DGKA: variants seen among roughly 807,000 people sequenced by gnomAD.
DGKA encodes the protein 80 kDa diacylglycerol kinase.
A neutral mutation model predicts 105.0 loss-of-function variants in DGKA; 35 were observed. The observed-to-expected ratio is 0.33, with a 90% confidence interval of 0.25 to 0.44. DGKA has a LOEUF of 0.44. DGKA is among the 20% of genes least tolerant of loss of function. DGKA has a pLI of 1.00. For synonymous variants in DGKA, 296 were observed against 332.0 expected (o/e 0.89, Z 1.18); for missense variants, 665 against 915.0 (o/e 0.73, Z 3.53).
upstream of DGKA, chr12:55,927,707 G>A: frequency 1.3e-6 from 2 of 1,539,430 alleles, no homozygotes; most frequent in Non-Finnish European, 1.7e-6. Flanking sequence ...AAGGCGGAGG[G>A]CGCCGCGGGT....
chr12:55,928,002 G>A, upstream of DGKA: 1 of 546,510 alleles, frequency 1.8e-6, no homozygotes, highest in South Asian at 2.5e-5. Context: ...CTAAAGCGGG[G>A]CAACTCGCCA....
At chr12:55,936,255 A>G in intron 1 of DGKA, 168 bp from the exon 2 acceptor site, 1 of 717,436 alleles carries the variant, frequency 1.4e-6, no homozygotes, top group South Asian at 2.5e-5. Context: ...GGGAAGGTAG[A>G]GGCATAGGGA....
intron 7 of DGKA, 80 bp from the exon 8 acceptor site, chr12:55,939,106 G>A: frequency 6.2e-7 from 1 of 1,604,432 alleles, no homozygotes; most frequent in Non-Finnish European, 8.5e-7. Flanking sequence ...TGGCTGGGCT[G>A]GATATCCTAA....
upstream of DGKA, chr12:55,928,105 C>T: frequency 3.3e-6 from 1 of 298,862 alleles, no homozygotes; most frequent in South Asian, 9.1e-5. Flanking sequence ...CTCCCTCCGC[C>T]GCCCATTTCA....
chr12:55,952,205 C>T lies in DGKA; in HGVS notation c.1652+106C>T. 4 of 1,515,672 alleles carry T rather than the reference C, an allele frequency of 2.6e-6. No individual in the cohort carries two copies. The highest frequency in any genetic ancestry group is 1.4e-5 in the African/African-American group (1 of 72,970). 93.9% of individuals were successfully genotyped at this position (1,515,672 alleles called of 1,614,324 possible). A position where few individuals can be genotyped will look rare whatever the true frequency, so the allele number is the denominator to read the frequency against. The stretch of plus-strand genomic sequence containing the variant: ...AAGAACAGTGGCACCTCTAGGAGGT[C>T]CCCCCAACCAAAGCCACCCTTGTTC... On this transcript the variant is annotated intron_variant, in intron 19 of 23. Coordinates refer to ENST00000331886, the MANE Select transcript of DGKA (RefSeq NM_001345.5). The surrounding 1 kb of genome is among the most constrained non-coding windows in gnomAD (Gnocchi z 5.1).
At chr12:55,933,346 G>C (rs1460041357) in intron 1 of DGKA, among the ~76,000 whole-genome samples, 2 of 152,178 alleles carry the variant, frequency 1.3e-5, no homozygotes, top group Non-Finnish European at 2.9e-5. Flanking sequence ...GTAGGGGCGG[G>C]CAGGGAAACC....
At position 55,940,457 on chromosome 12, in the gene DGKA, T is replaced by C. The variant is rs952102456; in HGVS notation, c.918+24T>C. On this transcript the variant is annotated intron_variant, in intron 11 of 23. Transcript: ENST00000331886. This position sits in a 1 kb window ranked among gnomAD's most constrained non-coding sequence, Gnocchi z 4.3. ...AGGTCAGTTTGGGAGCCATCCCTTC[T>C]GGGTGCGTCTTACCCCGCAGAGCTG... 1 of 1,612,828 alleles carries C rather than the reference T, an allele frequency of 6.2e-7. No homozygotes were observed. The highest frequency in any genetic ancestry group is 8.5e-7 in the Non-Finnish European group (1 of 1,179,410).
upstream of DGKA, chr12:55,927,669 C>T: frequency 1.3e-6 from 2 of 1,533,970 alleles, no homozygotes; most frequent in Non-Finnish European, 1.8e-6. Context: ...ACCCACTCAA[C>T]CACCAGAGAC....
At position 55,942,087 on chromosome 12, in the gene DGKA, A is replaced by G; in HGVS notation, c.1336+4A>G. Reference sequence around the variant, plus strand: ...GGCTGGATTCTAGAGACCATTGGTCAGTGCAGGGAGGGGCGTGGGGAAGGT... The same window carrying G: ...GGCTGGATTCTAGAGACCATTGGTCGGTGCAGGGAGGGGCGTGGGGAAGGT... On this transcript the variant is annotated splice_donor_region_variant and intron_variant, in intron 16 of 23. Coordinates refer to ENST00000331886, the MANE Select transcript of DGKA (RefSeq NM_001345.5). The G allele has an allele frequency of 6.2e-7, 1 of 1,614,174 alleles. No individual in the cohort carries two copies.
rs1886106144 is a variant in DGKA, at chr12:55,941,982, C to G, written c.1251-16C>G. Reference sequence around the variant, plus strand: ...CCTGTTATCCTTCTTCATATTCTCTCTCCCCTTTGTCTCAGGCTCCGATTA... The same window carrying G: ...CCTGTTATCCTTCTTCATATTCTCTGTCCCCTTTGTCTCAGGCTCCGATTA... On this transcript the variant is annotated splice_polypyrimidine_tract_variant and intron_variant, in intron 15 of 23. Transcript: ENST00000331886. 6.2e-7 allele frequency: 1 copy of G among 1,613,704 alleles called. No homozygotes were observed.
chr12:55,936,563 G>A lies in DGKA; in HGVS notation c.60G>A (p.Met20Ile), dbSNP rs761981841. The A allele has an allele frequency of 2.4e-5, 38 of 1,614,020 alleles. No individual in the cohort carries two copies. In the East Asian group the frequency reaches 8.0e-4, roughly 34 times the overall value. The change falls in exon 2 of 24, where the codon ATG (methionine) becomes ATA (isoleucine). Residue 20 changes from methionine (M) to isoleucine (I), a missense_variant. Coordinates refer to ENST00000331886, the MANE Select transcript of DGKA (RefSeq NM_001345.5). ...PSDFAQLQKY[M>I]EYSTKKVSDV... Reference sequence around the variant, plus strand: ...ATTTTGCCCAGCTGCAAAAATACATGGAATGTGAGTCTTCCTGTCAGGCCT... The same window carrying A: ...ATTTTGCCCAGCTGCAAAAATACATAGAATGTGAGTCTTCCTGTCAGGCCT...
At chr12:55,950,084 C>T (rs1436191547) in intron 17 of DGKA, among the ~76,000 whole-genome samples, 1 of 151,710 alleles carries the variant, frequency 6.6e-6, no homozygotes, top group East Asian at 1.9e-4. Flanking sequence ...AAGCGATTCT[C>T]CTGCCTCAGC....
At chr12:55,936,697 G>T in intron 2 of DGKA, 130 bp downstream of exon 2, 1 of 1,296,764 alleles carries the variant, frequency 7.7e-7, no homozygotes, top group South Asian at 1.2e-5. Flanking sequence ...ATGTGCCCAT[G>T]ACTGGAAATG....
At chr12:55,931,909 T>C (rs924749973) in intron 1 of DGKA, 1 of 149,894 alleles carries the variant, frequency 6.7e-6, no homozygotes, top group Non-Finnish European at 1.5e-5. Context: ...ACTGGAAACC[T>C]AGAAACGGGC....
upstream of DGKA, chr12:55,927,696 C>T: frequency 6.5e-7 from 1 of 1,539,148 alleles, no homozygotes; most frequent in Non-Finnish European, 8.7e-7. Context: ...GAGGGGCGTG[C>T]AAGGCGGAGG....
rs757383073 is a variant in DGKA, at chr12:55,939,544, C to G, written c.709+15C>G. 1.4e-5 allele frequency: 23 copies of G among 1,612,450 alleles called. No homozygotes were observed. The East Asian group carries it at 5.1e-4, about 36-fold the overall frequency. On this transcript the variant is annotated intron_variant, in intron 9 of 23. Coordinates refer to ENST00000331886, the MANE Select transcript of DGKA (RefSeq NM_001345.5). Reference sequence around the variant, plus strand: ...GAGCTGTAACCGTGAGTAATGGGAGCTGGGAGGTAGGGGAAGAGGGTCAGC... The same window carrying G: ...GAGCTGTAACCGTGAGTAATGGGAGGTGGGAGGTAGGGGAAGAGGGTCAGC...
At position 55,940,365 on chromosome 12, in the gene DGKA, C is replaced by G; in HGVS notation, c.850C>G (p.Arg284Gly). The change falls in exon 11 of 24, where the codon CGC becomes GGC. Residue 284 changes from arginine to glycine, a missense_variant. This residue lies in a region of DGKA where 504 missense variants were observed against 681.2 expected (regional missense o/e 0.74). Coordinates refer to ENST00000331886, the MANE Select transcript of DGKA (RefSeq NM_001345.5). The surrounding 1 kb of genome is among the most constrained non-coding windows in gnomAD (Gnocchi z 4.3). ...RGGCESGRCDRCQKKIRIYHS... is the reference protein window; with the variant it reads ...RGGCESGRCDGCQKKIRIYHS... ...AGGCTGTGAGTCCGGGCGCTGCGAC[C>G]GCTGTCAGAAAAAGATCCGGATCTA... The G allele has an allele frequency of 6.2e-7, 1 of 1,614,238 alleles. No individual in the cohort carries two copies. Among genetic ancestry groups the G allele is most frequent in the Non-Finnish European group, 8.5e-7 (1 of 1,180,042 alleles).
rs1888308379 is a variant in DGKA at position 55,952,231 on chromosome 12, C to T, written c.1653-110C>T. ...CCCCCAACCAAAGCCACCCTTGTTC[C>T]CCATGGGACTAAAGTTAGGAGGTTG... On this transcript the variant is annotated intron_variant, in intron 19 of 23. Transcript: ENST00000331886. The surrounding 1 kb of genome is among the most constrained non-coding windows in gnomAD (Gnocchi z 5.1). 6.7e-7 allele frequency: 1 copy of T among 1,492,518 alleles called. No individual in the cohort carries two copies. Among genetic ancestry groups the T allele is most frequent in the East Asian group, 2.3e-5 (1 of 44,110 alleles). 92.5% of individuals were successfully genotyped at this position (1,492,518 alleles called of 1,614,324 possible). A position where few individuals can be genotyped will look rare whatever the true frequency, so the allele number is the denominator to read the frequency against.
intron 17 of DGKA, 65 bp downstream of exon 17, chr12:55,942,328 A>G: frequency 4.0e-6 from 6 of 1,497,070 alleles, no homozygotes; most frequent in South Asian, 1.1e-5. Context: ...AAAGGCACTT[A>G]GAGAAGAAAC....
Sources: gnomAD v4.1 joint callset for allele counts (sites outside exome capture counted in the v4.1 genomes callset) on GRCh38, gnomAD v4.1.1 for gene constraint, gnomAD v4.1.1 regional missense constraint, Gnocchi (gnomAD v3.1) non-coding constraint, MANE v1.5 for transcripts, NCBI Gene and HGNC (gene_info 2026-07-23, HGNC 2026-07-21) for gene names.